GABRG3: variants seen among roughly 807,000 people sequenced by gnomAD.
GABRG3 encodes the protein gamma-aminobutyric acid receptor subunit gamma-3.
GABRG3 carries 25 observed loss-of-function variants against 48.8 expected under a neutral mutation model. The observed-to-expected ratio is 0.51, with a 90% CI of 0.37 to 0.72. The LOEUF is 0.72. GABRG3 is among the 30% of genes least tolerant of loss of function. GABRG3 has a pLI of 0.00. For missense variants in GABRG3, 394 were observed against 577.9 expected (o/e 0.68, Z 3.26); for synonymous variants, 227 against 217.6 (o/e 1.04, Z -0.38).
intron 5 of GABRG3, among the ~76,000 whole-genome samples, chr15:27,401,774 A>G (rs1254856624): frequency 6.6e-6 from 1 of 152,250 alleles, no homozygotes; most frequent in Non-Finnish European, 1.5e-5. Context: ...AATATCCCAT[A>G]TGGAACTTAC....
At chr15:27,103,193 C>T (rs1897390252) in intron 3 of GABRG3, among the ~76,000 whole-genome samples, 5 of 152,208 alleles carry the variant, frequency 3.3e-5, no homozygotes, top group African/African-American at 1.2e-4. Context: ...GGTTCTGGGC[C>T]TGCCCAGAAA....
chr15:26,973,062 G>A (rs989497970), intron 1 of GABRG3, among the ~76,000 whole-genome samples: 5 of 152,186 alleles, frequency 3.3e-5, no homozygotes, highest in African/African-American at 4.8e-5. Flanking sequence ...CGCTGAGGCC[G>A]GCAGTCACAT....
intron 2 of GABRG3, among the ~76,000 whole-genome samples, chr15:27,016,229 TTTCTTTCTTTC>T (rs1387292492): frequency 4.9e-5 from 6 of 123,004 alleles, no homozygotes; most frequent in African/African-American, 1.9e-4. Flanking sequence ...CTTTTCTTTC[TTTCTTTCTTTC>T]TTTTTTTTTT....
At chr15:27,112,423 G>A (rs1315479273) in intron 3 of GABRG3, among the ~76,000 whole-genome samples, 1 of 149,486 alleles carries the variant, frequency 6.7e-6, no homozygotes, top group East Asian at 2.0e-4. Flanking sequence ...CGTATCTTCA[G>A]CATTTACTTA....
At chr15:27,492,571 C>T (rs1176480171) in intron 6 of GABRG3, among the ~76,000 whole-genome samples, 1 of 152,222 alleles carries the variant, frequency 6.6e-6, no homozygotes, top group Non-Finnish European at 1.5e-5. Context: ...GCCATTTTAA[C>T]TAAGCTGGAG....
At chr15:27,202,739 C>T (rs1369136737) in intron 3 of GABRG3, among the ~76,000 whole-genome samples, 3 of 152,050 alleles carry the variant, frequency 2.0e-5, no homozygotes, top group Admixed American at 2.0e-4. Context: ...TACCCATATA[C>T]CTCTTTTCTC....
intron 3 of GABRG3, among the ~76,000 whole-genome samples, chr15:27,095,964 C>T (rs1020507302): frequency 5.3e-5 from 8 of 152,184 alleles, no homozygotes; most frequent in Non-Finnish European, 8.8e-5. Flanking sequence ...CCATTTCCAG[C>T]GGTTCAGCCC....
intron 2 of GABRG3, among the ~76,000 whole-genome samples, chr15:27,005,014 C>T (rs1013189953): frequency 1.3e-5 from 2 of 151,876 alleles, no homozygotes; most frequent in Non-Finnish European, 2.9e-5. Context: ...ATAGCTGGGC[C>T]CCTCCGGGTG....
At chr15:27,160,834 G>A (rs1887156954) in intron 3 of GABRG3, among the ~76,000 whole-genome samples, 2 of 152,042 alleles carry the variant, frequency 1.3e-5, no homozygotes, top group Admixed American at 1.3e-4. Flanking sequence ...TTCTCTATGG[G>A]CCTCATATTA....
chr15:27,289,843 A>G (rs1269372100), intron 3 of GABRG3, among the ~76,000 whole-genome samples: 1 of 152,224 alleles, frequency 6.6e-6, no homozygotes, highest in East Asian at 1.9e-4. Flanking sequence ...GTATAGAAAT[A>G]TTTATAGATA....
At chr15:27,276,292 G>A (rs1321256558) in intron 3 of GABRG3, among the ~76,000 whole-genome samples, 1 of 152,202 alleles carries the variant, frequency 6.6e-6, no homozygotes, top group Admixed American at 6.5e-5. Flanking sequence ...TTCTGAGTTG[G>A]AAATGACAGC....
intron 3 of GABRG3, among the ~76,000 whole-genome samples, chr15:27,058,048 C>T (rs1204779522): frequency 2.0e-5 from 3 of 152,192 alleles, no homozygotes; most frequent in Non-Finnish European, 4.4e-5. Flanking sequence ...AGGAAGCATA[C>T]AGGCTTTGCC....
At chr15:27,421,023 A>G (rs1888097494) in intron 5 of GABRG3, among the ~76,000 whole-genome samples, 3 of 152,344 alleles carry the variant, frequency 2.0e-5, no homozygotes, top group African/African-American at 7.2e-5. Context: ...AATTTTGTGG[A>G]AAAGCATGGA....
chr15:27,165,610 T>C (rs557875707), intron 3 of GABRG3, among the ~76,000 whole-genome samples: 2 of 152,148 alleles, frequency 1.3e-5, no homozygotes, highest in African/African-American at 4.8e-5. Context: ...GCTTGCTTTC[T>C]CTTTAACATG....
At chr15:27,284,399 G>GA (rs1891540593) in intron 3 of GABRG3, among the ~76,000 whole-genome samples, 1 of 152,112 alleles carries the variant, frequency 6.6e-6, no homozygotes, top group African/African-American at 2.4e-5. Context: ...TCAGTGGCAT[G>GA]AAAAAATAGA....
chr15:27,028,153 C>T (rs144770271), intron 3 of GABRG3, among the ~76,000 whole-genome samples: 3 of 152,270 alleles, frequency 2.0e-5, no homozygotes, highest in East Asian at 1.9e-4. Context: ...AGAAGGAGGC[C>T]GAGTGAGTGA....
At chr15:27,255,828 A>G (rs1169169700) in intron 3 of GABRG3, among the ~76,000 whole-genome samples, 1 of 152,080 alleles carries the variant, frequency 6.6e-6, no homozygotes, top group East Asian at 1.9e-4. Flanking sequence ...GATGCACAGC[A>G]CCTTTCTTCC....
At chr15:27,084,004 G>T (rs981044174) in intron 3 of GABRG3, among the ~76,000 whole-genome samples, 19 of 152,160 alleles carry the variant, frequency 1.2e-4, no homozygotes, top group African/African-American at 4.6e-4. Context: ...GGGAAGCCTG[G>T]TTTGGTGTCT....
intron 3 of GABRG3, among the ~76,000 whole-genome samples, chr15:27,029,066 C>G (rs956620509): frequency 6.6e-6 from 1 of 152,162 alleles, no homozygotes; most frequent in Non-Finnish European, 1.5e-5. Context: ...TGAGCTGTGG[C>G]AGGATGTGGA....
Sources: gnomAD v4.1 joint callset for allele counts (sites outside exome capture counted in the v4.1 genomes callset) on GRCh38, gnomAD v4.1.1 for gene constraint, MANE v1.5 for transcripts, NCBI Gene and HGNC (gene_info 2026-07-23, HGNC 2026-07-21) for gene names.